COMMD1: variants seen among roughly 807,000 people sequenced by gnomAD.
COMMD1 encodes COMM domain-containing protein 1.
COMMD1 carries 10 observed loss-of-function variants against 17.2 expected under a neutral mutation model. The observed-to-expected ratio is 0.58, with a 90% CI of 0.36 to 0.99. The LOEUF (loss-of-function observed/expected upper bound fraction) is 0.99. Ranked by LOEUF, COMMD1 falls within the 50% of genes least tolerant of loss-of-function variation. COMMD1 has a pLI of 0.01. For synonymous variants in COMMD1, 97 were observed against 91.6 expected, an observed-to-expected ratio of 1.06 and a Z score of -0.34; for missense variants, 270 against 231.8, an observed-to-expected ratio of 1.17 and a Z score of -1.07.
intron 1 of COMMD1, among the ~76,000 whole-genome samples, chr2:61,929,480 C>T (rs889499994): frequency 1.3e-5 from 2 of 152,178 alleles, no homozygotes; most frequent in Admixed American, 1.3e-4. Context: ...GGCCTTAATA[C>T]ATTTCCCCTA....
At chr2:62,135,040 T>C (rs1573225219) in intron 2 of COMMD1, among the ~76,000 whole-genome samples, 1 of 151,962 alleles carries the variant, frequency 6.6e-6, no homozygotes, top group East Asian at 1.9e-4. Flanking sequence ...TCCATCAGAG[T>C]CAGTCAAAAT....
At chr2:61,967,586 G>A (rs986461121) in intron 1 of COMMD1, among the ~76,000 whole-genome samples, 1 of 152,198 alleles carries the variant, frequency 6.6e-6, no homozygotes, top group African/African-American at 2.4e-5. Flanking sequence ...GACAGGGCCT[G>A]ATACATAGTA....
intron 1 of COMMD1, among the ~76,000 whole-genome samples, chr2:61,894,775 C>A (rs1669518613): frequency 6.6e-6 from 1 of 151,742 alleles, no homozygotes; most frequent in Non-Finnish European, 1.5e-5. Flanking sequence ...TCTTGACTCA[C>A]TGCAACCTCC....
chr2:62,098,358 A>G (rs1353682042), intron 2 of COMMD1, among the ~76,000 whole-genome samples: 1 of 151,892 alleles, frequency 6.6e-6, no homozygotes, highest in East Asian at 1.9e-4. Context: ...GGGTTTCACC[A>G]TATTGGCCTC....
At chr2:62,127,558 C>A (rs1460400667) in intron 2 of COMMD1, among the ~76,000 whole-genome samples, 1 of 152,076 alleles carries the variant, frequency 6.6e-6, no homozygotes, top group African/African-American at 2.4e-5. Flanking sequence ...AATAGAGAAC[C>A]CAGAAATAAG....
At chr2:61,922,708 A>G (rs1450855972) in intron 1 of COMMD1, among the ~76,000 whole-genome samples, 2 of 152,248 alleles carry the variant, frequency 1.3e-5, no homozygotes, top group Non-Finnish European at 2.9e-5. Context: ...TAAAACAGAC[A>G]AATGTGAAGT....
intron 1 of COMMD1, among the ~76,000 whole-genome samples, chr2:61,911,211 C>T (rs905503021): frequency 4.6e-5 from 7 of 151,850 alleles, no homozygotes; most frequent in South Asian, 2.1e-4. Context: ...CAGTGGCTCA[C>T]GCCTGTAATC....
intron 2 of COMMD1, among the ~76,000 whole-genome samples, chr2:62,003,015 C>T (rs898204057): frequency 6.6e-6 from 1 of 150,808 alleles, no homozygotes; most frequent in African/African-American, 2.4e-5. Flanking sequence ...GGTGTATCAT[C>T]TGAGGTCAGG....
chr2:61,952,501 C>T (rs1443078876), intron 1 of COMMD1, among the ~76,000 whole-genome samples: 1 of 152,068 alleles, frequency 6.6e-6, no homozygotes, highest in Non-Finnish European at 1.5e-5. Flanking sequence ...TGACTCTTGA[C>T]TCAGCTGGTC....
At chr2:61,909,119 G>C (rs1417734435) in intron 1 of COMMD1, among the ~76,000 whole-genome samples, 5 of 151,784 alleles carry the variant, frequency 3.3e-5, no homozygotes, top group African/African-American at 1.2e-4. Flanking sequence ...GTAGCGATGG[G>C]GTTTCTCCAC....
At chr2:62,020,998 C>T (rs1411911838) in intron 2 of COMMD1, among the ~76,000 whole-genome samples, 7 of 148,746 alleles carry the variant, frequency 4.7e-5, no homozygotes, top group African/African-American at 1.2e-4. Context: ...AGCAAAAGTC[C>T]GTCTCAAAAA....
rs1165713976 is a variant in COMMD1, at chr2:62,135,941, A to C, written c.573A>C (p.Ter191CysextTer2). The stretch of plus-strand genomic sequence containing the variant: ...GCACACTGATCAGCCAGCCTAACTG[A>C]AGATGATGTATGAAGGAGTTGGAGT... ...SISTLISQPN[*>C] Residue 191 changes from the stop codon to cysteine, a stop_lost, in exon 3 of 3, where the codon TGA becomes TGC. Coordinates refer to ENST00000311832, the MANE Select transcript of COMMD1 (RefSeq NM_152516.4). 2.7e-6 allele frequency: 4 copies of C among 1,484,718 alleles called. No homozygotes were observed. The Admixed American group carries it at 5.0e-5, about 19-fold the overall frequency. The allele number at this position is 1,484,718 out of a possible 1,614,324, so 92.0% of individuals were successfully genotyped here.
chr2:61,911,483 T>C (rs771115521), intron 1 of COMMD1, among the ~76,000 whole-genome samples: 2 of 152,100 alleles, frequency 1.3e-5, no homozygotes, highest in Non-Finnish European at 2.9e-5. Flanking sequence ...ATTTATTTAT[T>C]TATTTAGAGA....
chr2:61,965,037 A>G (rs1344922236), intron 1 of COMMD1, among the ~76,000 whole-genome samples: 1 of 152,138 alleles, frequency 6.6e-6, no homozygotes, highest in African/African-American at 2.4e-5. Context: ...CTCCGTCTCA[A>G]AAAAAATTAA....
intron 1 of COMMD1, among the ~76,000 whole-genome samples, chr2:61,997,286 T>G (rs893308891): frequency 6.6e-6 from 1 of 151,780 alleles, no homozygotes. Context: ...GGTCTTGAAC[T>G]CCCAGGCTCA....
At chr2:61,960,229 C>T (rs992061999) in intron 1 of COMMD1, among the ~76,000 whole-genome samples, 5 of 152,090 alleles carry the variant, frequency 3.3e-5, no homozygotes, top group African/African-American at 1.2e-4. Flanking sequence ...CTCACAATCC[C>T]TTCTCTTTTT....
intron 2 of COMMD1, among the ~76,000 whole-genome samples, chr2:62,087,803 C>G (rs1483843588): frequency 6.6e-6 from 1 of 152,150 alleles, no homozygotes; most frequent in African/African-American, 2.4e-5. Flanking sequence ...ATGCATCCAC[C>G]ATGTGTTAGT....
intron 2 of COMMD1, among the ~76,000 whole-genome samples, chr2:62,087,178 G>A (rs1671695071): frequency 1.3e-5 from 2 of 152,126 alleles, no homozygotes; most frequent in South Asian, 4.1e-4. Context: ...TGTTTTTAAA[G>A]CTTCAACAAA....
chr2:61,984,054 C>T (rs139206412), intron 1 of COMMD1, among the ~76,000 whole-genome samples: 13,367 of 152,144 alleles, frequency 0.088, 1,270 homozygotes, highest in African/African-American at 0.23. Flanking sequence ...GACAGAGTCT[C>T]GCTCTGTCAC....
Sources: gnomAD v4.1 joint callset for allele counts (sites outside exome capture counted in the v4.1 genomes callset) on GRCh38, gnomAD v4.1.1 for gene constraint, MANE v1.5 for transcripts, NCBI Gene and HGNC (gene_info 2026-07-23, HGNC 2026-07-21) for gene names.